The following ATP8A2 variants were observed in gnomAD, a reference collection of about 807,000 sequenced individuals.
ATP8A2 encodes the protein ATPase phospholipid transporting 8A2.
Under a neutral mutation model 165.6 loss-of-function variants are expected in ATP8A2, and 100 were observed. The ratio of observed to expected loss-of-function variants is 0.60; its 90% confidence interval spans 0.51 to 0.71. The LOEUF is 0.71. Ranked by LOEUF, ATP8A2 falls within the 30% of genes least tolerant of loss-of-function variation. ATP8A2 has a pLI of 0.00. For synonymous variants in ATP8A2, 543 were observed against 548.8 expected, an observed-to-expected ratio of 0.99 and a Z score of 0.15; for missense variants, 1,227 against 1,479.5, an observed-to-expected ratio of 0.83 and a Z score of 2.80.
chr13:25,924,426 A>C (rs1222915709), intron 33 of ATP8A2, among the ~76,000 whole-genome samples: 1 of 152,142 alleles, frequency 6.6e-6, no homozygotes, highest in Admixed American at 6.5e-5. Flanking sequence ...TCCTTGGCTT[A>C]TAGAAGCATC....
chr13:25,510,186 C>T (rs574021803), intron 2 of ATP8A2, among the ~76,000 whole-genome samples: 5 of 102,670 alleles, frequency 4.9e-5, no homozygotes, highest in Non-Finnish European at 1.2e-4. Flanking sequence ...CACACACACA[C>T]ACACACACAC....
intron 33 of ATP8A2, among the ~76,000 whole-genome samples, chr13:25,943,542 A>G (rs1042761820): frequency 4.6e-5 from 7 of 152,176 alleles, no homozygotes; most frequent in Non-Finnish European, 7.4e-5. Flanking sequence ...CTAGTGTGCA[A>G]TCCCATCTAG....
rs80017525 is a variant in ATP8A2, at chr13:25,701,664, G to T, written c.2384+2319G>T. ...CCGTTGGATTCTCAGGGGAGATCCA[G>T]GAATGCCTGTAAGGGTTTACAGGAA... On this transcript the variant is annotated intron_variant, in intron 25 of 36. Transcript: ENST00000381655. 7.8e-3 allele frequency among the ~76,000 whole-genome samples: 1,183 copies of T among 151,710 alleles called. 23 individuals carry two copies. Among genetic ancestry groups the T allele is most frequent in the African/African-American group, 0.027 (1,121 of 41,348 alleles).
intron 10 of ATP8A2, among the ~76,000 whole-genome samples, chr13:25,546,318 A>C (rs2038647908): frequency 6.6e-6 from 1 of 152,156 alleles, no homozygotes; most frequent in African/African-American, 2.4e-5. Flanking sequence ...GTATAGAATG[A>C]TGGAAAACCC....
chr13:25,584,591 A>T (rs779659394), intron 23 of ATP8A2, among the ~76,000 whole-genome samples: 1 of 152,230 alleles, frequency 6.6e-6, no homozygotes, highest in Non-Finnish European at 1.5e-5. Context: ...TAATATTTAC[A>T]TATGAACATT....
At chr13:26,000,073 A>G (rs1011772398) in intron 35 of ATP8A2, among the ~76,000 whole-genome samples, 4 of 152,332 alleles carry the variant, frequency 2.6e-5, no homozygotes, top group Admixed American at 6.5e-5. Context: ...TAAGTTGCCA[A>G]TTGTGGCTAT....
In ATP8A2 at chr13:25,750,026, G is replaced by A. The variant is rs1339048738; in HGVS notation, c.2385-19020G>A. Among the ~76,000 whole-genome samples the A allele has an allele frequency of 2.0e-5, 3 of 152,090 alleles. No individual in the cohort carries two copies. The highest frequency in any genetic ancestry group is 6.5e-5 in the Admixed American group (1 of 15,278). The stretch of plus-strand genomic sequence containing the variant: ...ATAAAACAAAACAAAACAAAAAAAC[G>A]AAGAAGAAGAATTATTTGCATGTAT... On this transcript the variant is annotated intron_variant, in intron 25 of 36. Coordinates refer to ENST00000381655, the MANE Select transcript of ATP8A2 (RefSeq NM_016529.6). The surrounding 1 kb of genome is among the most constrained non-coding windows in gnomAD (Gnocchi z 4.3).
At chr13:25,748,996 G>A (rs1301528569) in intron 25 of ATP8A2, among the ~76,000 whole-genome samples, 1 of 152,216 alleles carries the variant, frequency 6.6e-6, no homozygotes, top group Non-Finnish European at 1.5e-5. Context: ...AAGGTGAAAT[G>A]TGTATCTTCA....
chr13:25,961,853 G>C (rs1414087013), intron 34 of ATP8A2, among the ~76,000 whole-genome samples, 190 bp downstream of exon 34: 1 of 152,056 alleles, frequency 6.6e-6, no homozygotes, highest in Non-Finnish European at 1.5e-5. Flanking sequence ...TGAAAATATA[G>C]ACAACCATAA....
chr13:25,844,511 G>A (rs1272407031), intron 30 of ATP8A2, among the ~76,000 whole-genome samples: 1 of 152,170 alleles, frequency 6.6e-6, no homozygotes, highest in Admixed American at 6.5e-5. Context: ...TTACAGGTGT[G>A]AGCCAATGCA....
At chr13:25,945,410 A>G (rs1230571871) in intron 33 of ATP8A2, among the ~76,000 whole-genome samples, 1 of 152,216 alleles carries the variant, frequency 6.6e-6, no homozygotes. Context: ...AACGTTATTC[A>G]TTTCATGAAA....
chr13:25,687,430 C>T (rs1193998063), intron 24 of ATP8A2, among the ~76,000 whole-genome samples: 1 of 152,144 alleles, frequency 6.6e-6, no homozygotes. Flanking sequence ...TCAGGCTGTC[C>T]AGGCACAGCA....
At chr13:25,791,530 CACACACACACAT>C (rs1437382476) in intron 27 of ATP8A2, among the ~76,000 whole-genome samples, 1 of 129,724 alleles carries the variant, frequency 7.7e-6, no homozygotes, top group African/African-American at 2.9e-5. Context: ...CGAACTTAAA[CACACACACACAT>C]ACACACACAC....
intron 33 of ATP8A2, chr13:25,863,382 C>T (rs1276100758): frequency 6.6e-6 from 1 of 152,384 alleles, no homozygotes. Flanking sequence ...CTCTCCATAT[C>T]TAGGCCAGTG....
At chr13:25,834,370 G>A (rs1179612096) in intron 28 of ATP8A2, among the ~76,000 whole-genome samples, 1 of 152,150 alleles carries the variant, frequency 6.6e-6, no homozygotes, top group Non-Finnish European at 1.5e-5. Context: ...AATTAAAAAT[G>A]CATGTATCCT....
At chr13:25,981,428 T>C (rs1006542370) in intron 35 of ATP8A2, among the ~76,000 whole-genome samples, 2 of 152,374 alleles carry the variant, frequency 1.3e-5, no homozygotes, top group African/African-American at 4.8e-5. Context: ...TATTATTTTA[T>C]GTGAATGGAC....
intron 33 of ATP8A2, chr13:25,927,208 C>A: frequency 6.6e-6 from 3 of 456,742 alleles, no homozygotes; most frequent in South Asian, 1.5e-5. Flanking sequence ...GAGCCCCACT[C>A]CTCCTCGGCT....
intron 33 of ATP8A2, among the ~76,000 whole-genome samples, chr13:25,895,794 C>T (rs953726545): frequency 2.0e-5 from 3 of 152,186 alleles, no homozygotes; most frequent in Non-Finnish European, 4.4e-5. Context: ...TTATCCATTT[C>T]TTCTAGATTT....
At chr13:25,596,173 C>T (rs61947463) in intron 24 of ATP8A2, among the ~76,000 whole-genome samples, 24,322 of 152,184 alleles carry the variant, frequency 0.16, 2,418 homozygotes, top group Non-Finnish European at 0.24. Context: ...AGTGGCTGAC[C>T]TATCCTTAAT....
Sources: allele counts gnomAD v4.1 joint callset (sites outside exome capture counted in the v4.1 genomes callset), GRCh38; gene constraint gnomAD v4.1.1; non-coding constraint Gnocchi (gnomAD v3.1); transcripts MANE v1.5; gene names NCBI Gene and HGNC (gene_info 2026-07-23, HGNC 2026-07-21).